PLA2G4F: variants seen among roughly 807,000 people sequenced by gnomAD.
The protein encoded by PLA2G4F is phospholipase A2 group IVF.
Under a neutral mutation model 103.1 loss-of-function variants are expected in PLA2G4F, and 105 were observed. That is an observed-to-expected ratio of 1.02 (90% CI 0.87 to 1.20). The LOEUF is 1.20. PLA2G4F is among the 50% of genes most tolerant of loss of function. The pLI is 0.00. For missense variants in PLA2G4F, 1,155 were observed against 1,075.9 expected, an observed-to-expected ratio of 1.07 and a Z score of -1.03; for synonymous variants, 468 against 441.1, an observed-to-expected ratio of 1.06 and a Z score of -0.76.
Position 42,145,882 on chromosome 15 carries a change from T to C in PLA2G4F, c.1556A>G (p.Tyr519Cys), listed in dbSNP as rs566986900. 90 of 1,613,990 alleles carry C rather than the reference T, an allele frequency of 5.6e-5. 1 individual carries two copies. In the East Asian group the frequency reaches 1.1e-3, roughly 20 times the overall value. The change falls in exon 15 of 20, where the codon TAT (tyrosine) becomes TGT (cysteine). Residue 519 changes from tyrosine to cysteine, a missense_variant. This residue lies in a region of PLA2G4F where 782 missense variants were observed against 692.9 expected (regional missense o/e 1.13). Transcript: ENST00000397272. ...DFAEWCEFTPYEVGFPKYGAY... is the reference protein window; with the variant it reads ...DFAEWCEFTPCEVGFPKYGAY... ...CCCGTACTTGGGGAAGCCAACCTCA[T>C]AGGGCGTGAACTCGCACCACTCTAG...
At position 42,142,722 on chromosome 15, in the gene PLA2G4F, G is replaced by A. The variant is rs1314213919; in HGVS notation, c.2143-8C>T. ...CTCTGTCATCTTCAAGACCTGAGCA[G>A]GAGCAAGCCTCTGACTCTGCCTTTC... On this transcript the variant is annotated splice_polypyrimidine_tract_variant and splice_region_variant and intron_variant, in intron 18 of 19. Coordinates refer to ENST00000397272, the MANE Select transcript of PLA2G4F (RefSeq NM_213600.4). 6.2e-7 allele frequency: 1 copy of A among 1,613,798 alleles called. No individual in the cohort carries two copies. The highest frequency in any genetic ancestry group is 8.5e-7 in the Non-Finnish European group (1 of 1,179,948).
rs777741127 is a variant in PLA2G4F at position 42,142,016 on chromosome 15, G to A, written c.2518C>T (p.Arg840Trp). 2.0e-5 allele frequency: 32 copies of A among 1,613,920 alleles called. No homozygotes were observed. Among genetic ancestry groups the A allele is most frequent in the South Asian group, 1.4e-4 (13 of 91,072 alleles). The change falls in exon 20 of 20, where the codon CGG becomes TGG. Residue 840 changes from arginine to tryptophan, a missense_variant. This residue lies in a region of PLA2G4F where 782 missense variants were observed against 692.9 expected (regional missense o/e 1.13). Coordinates refer to ENST00000397272, the MANE Select transcript of PLA2G4F (RefSeq NM_213600.4). ...LKCALQLALD[R>W]HQARERAGA The stretch of plus-strand genomic sequence containing the variant: ...CCTGCCCTCTCCCGAGCCTGGTGCC[G>A]GTCCAGAGCCAGCTGGAGGGCGCAC...
chr15:42,141,258 G>A lies in PLA2G4F; in HGVS notation c.*726C>T, dbSNP rs1338791218. ...GATGTGGCCACTACACACATCACCA[G>A]AGACTGTGGTCCAGGTTCGAAGAGT... On this transcript the variant is annotated 3_prime_UTR_variant, in exon 20 of 20. Coordinates refer to ENST00000397272, the MANE Select transcript of PLA2G4F (RefSeq NM_213600.4). 2.2e-6 allele frequency: 1 copy of A among 456,616 alleles called. No individual in the cohort carries two copies. The highest frequency in any genetic ancestry group is 2.0e-5 in the African/African-American group (1 of 50,066). 28.3% of individuals were successfully genotyped at this position (456,616 alleles called of 1,614,324 possible). A position where few individuals can be genotyped will look rare whatever the true frequency, so the allele number is the denominator to read the frequency against.
At position 42,142,205 on chromosome 15, in the gene PLA2G4F, C is replaced by T. The variant is rs767850901; in HGVS notation, c.2330-1G>A. 1 of 1,608,060 alleles carries T rather than the reference C, an allele frequency of 6.2e-7. No homozygotes were observed. Among genetic ancestry groups the T allele is most frequent in the Admixed American group, 1.7e-5 (1 of 59,726 alleles). On this transcript the variant is annotated splice_acceptor_variant, in intron 19 of 19. Transcript: ENST00000397272. LOFTEE classifies it high-confidence loss of function. ...TCCTCAGCTGTTTGTCGCTCCACAC[C>T]TGTGGGTGGGGGAAGCAGAGGAGAG...
intron 7 of PLA2G4F, chr15:42,151,026 G>A (rs892180454): frequency 1.0e-6 from 1 of 985,436 alleles, no homozygotes; most frequent in Non-Finnish European, 1.2e-6. Flanking sequence ...GCCTGGAGGG[G>A]AAGGCAGGGA....
rs954413270 is a variant in PLA2G4F at position 42,144,053 on chromosome 15, G to A, written c.2067C>T (p.Phe689=). 5 of 1,613,994 alleles carry A rather than the reference G, an allele frequency of 3.1e-6. No homozygotes were observed. The highest frequency in any genetic ancestry group is 3.4e-6 in the Non-Finnish European group (4 of 1,179,990). Reference sequence around the variant, plus strand: ...CTCTCTGAGGCAGCAGAGCCAGTGGGAACGGAGAGTTGATGGCAAAGCCTC... The same window carrying A: ...CTCTCTGAGGCAGCAGAGCCAGTGGAAACGGAGAGTTGATGGCAAAGCCTC... ...VDGGFAINSP[F]PLALLPQRAV... Residue 689 remains phenylalanine, a synonymous_variant, in exon 18 of 20, where the codon TTC becomes TTT. Transcript: ENST00000397272.
intron 2 of PLA2G4F, 111 bp downstream of exon 2, chr15:42,155,406 T>G (rs2049006219): frequency 1.8e-6 from 2 of 1,099,422 alleles, no homozygotes; most frequent in Non-Finnish European, 2.7e-6. Flanking sequence ...TCACTTGTAC[T>G]CACCCATGTA....
chr15:42,147,196 C>T lies in PLA2G4F; in HGVS notation c.1347G>A (p.Arg449=). The T allele has an allele frequency of 6.2e-7, 1 of 1,612,984 alleles. No individual in the cohort carries two copies. ...LQYYTQELGV[R]ERSGHSVSLI... Reference sequence around the variant, plus strand: ...GGGACACGCTGTGGCCACTGCGCTCCCGGACCCCCAGTTCCTGAGTGTAGT... The same window carrying T: ...GGGACACGCTGTGGCCACTGCGCTCTCGGACCCCCAGTTCCTGAGTGTAGT... Residue 449 remains arginine (R), a synonymous_variant, in exon 13 of 20, where the codon CGG becomes CGA. Coordinates refer to ENST00000397272, the MANE Select transcript of PLA2G4F (RefSeq NM_213600.4).
intron 7 of PLA2G4F, chr15:42,151,499 C>T (rs1402715030): frequency 1.9e-5 from 19 of 985,170 alleles, no homozygotes; most frequent in Middle Eastern, 5.2e-4. Context: ...CGCAGACAGC[C>T]TCCCAGGAGT....
chr15:42,151,588 A>G, intron 7 of PLA2G4F: 1 of 985,436 alleles, frequency 1.0e-6, no homozygotes. Flanking sequence ...TGAGAGGTCC[A>G]GAGGAGTCCC....
In PLA2G4F at chr15:42,141,996, C is replaced by T; in HGVS notation, c.2538G>A (p.Arg846=). Residue 846 remains arginine (R), a synonymous_variant, in exon 20 of 20, where the codon AGG becomes AGA. Transcript: ENST00000397272. ...LALDRHQARE[R]AGA is the part of the protein sequence containing the mutation. ...CTTCCTGCCTTGGTCAGGCCCCTGC[C>T]CTCTCCCGAGCCTGGTGCCGGTCCA... 1.2e-6 allele frequency: 2 copies of T among 1,613,704 alleles called. No individual in the cohort carries two copies. Among genetic ancestry groups the T allele is most frequent in the East Asian group, 2.2e-5 (1 of 44,882 alleles).
At position 42,154,184 on chromosome 15, in the gene PLA2G4F, G is replaced by A. The variant is rs1358410735; in HGVS notation, c.358C>T (p.Leu120=). The part of the protein sequence containing the change: ...LELTLYDKDI[L]GSDQLSLLLF... ...AGCAGAGAGAGCTGGTCGCTGCCCAGGATGTCCTTGTCATAGAGGGTGAGC... is the reference window on the plus strand; with the variant it reads ...AGCAGAGAGAGCTGGTCGCTGCCCAAGATGTCCTTGTCATAGAGGGTGAGC... The change falls in exon 4 of 20, where the codon CTG becomes TTG. Residue 120 remains leucine (L), a synonymous_variant. Coordinates refer to ENST00000397272, the MANE Select transcript of PLA2G4F (RefSeq NM_213600.4). 4 of 1,614,212 alleles carry A rather than the reference G, an allele frequency of 2.5e-6. No homozygotes were observed. In the East Asian group the frequency reaches 8.9e-5, roughly 36 times the overall value.
chr15:42,148,555 C>T (rs569792503), intron 11 of PLA2G4F: 14 of 931,914 alleles, frequency 1.5e-5, no homozygotes, highest in Admixed American at 6.2e-5. Flanking sequence ...ACAATGAAAT[C>T]GATCTCTACA....
intron 16 of PLA2G4F, 39 bp downstream of exon 16, chr15:42,145,536 G>C: frequency 6.4e-7 from 1 of 1,574,204 alleles, no homozygotes; most frequent in Admixed American, 1.7e-5. Flanking sequence ...CCTGTTGCTG[G>C]AATGTGGTGT....
Position 42,141,235 on chromosome 15 carries a change from T to C in PLA2G4F, c.*749A>G, listed in dbSNP as rs573209626. 1.8e-5 allele frequency: 8 copies of C among 456,712 alleles called. No individual in the cohort carries two copies. Among genetic ancestry groups the C allele is most frequent in the African/African-American group, 1.6e-4 (8 of 50,176 alleles). 28.3% of individuals were successfully genotyped at this position (456,712 alleles called of 1,614,324 possible). ...GAATGGTGAGACTATATTTGCATGA[T>C]GTGGCCACTACACACATCACCAGAG... On this transcript the variant is annotated 3_prime_UTR_variant, in exon 20 of 20. Coordinates refer to ENST00000397272, the MANE Select transcript of PLA2G4F (RefSeq NM_213600.4).
chr15:42,142,790 CAGGCT>C, intron 18 of PLA2G4F, 76 bp from the exon 19 acceptor site: 1 of 1,475,718 alleles, frequency 6.8e-7, no homozygotes, highest in Non-Finnish European at 9.4e-7. Context: ...CACACACGCC[CAGGCT>C]TCAATGCCAG....
chr15:42,149,172 A>G (rs1660744021), intron 11 of PLA2G4F: 2 of 984,608 alleles, frequency 2.0e-6, no homozygotes, highest in Non-Finnish European at 1.2e-6. Flanking sequence ...CCCCCTCCAA[A>G]TTCCTGTGTT....
At chr15:42,153,737 G>T in intron 4 of PLA2G4F, 77 bp from the exon 5 acceptor site, 1 of 1,532,746 alleles carries the variant, frequency 6.5e-7, no homozygotes, top group Non-Finnish European at 9.0e-7. Context: ...TGCCAGCCCT[G>T]CTTGGCTCCA....
intron 6 of PLA2G4F, 139 bp downstream of exon 6, chr15:42,153,161 G>T: frequency 9.9e-7 from 1 of 1,010,024 alleles, no homozygotes; most frequent in Non-Finnish European, 1.5e-6. Context: ...CTTTCCCTCT[G>T]GAGGTGCCTC....
Sources: allele counts gnomAD v4.1 joint callset, GRCh38; gene constraint gnomAD v4.1.1; regional missense constraint gnomAD v4.1.1; transcripts MANE v1.5; gene names NCBI Gene and HGNC (gene_info 2026-07-23, HGNC 2026-07-21).